ADAM2: variants seen among roughly 807,000 people sequenced by gnomAD.
The protein encoded by ADAM2 is ADAM metallopeptidase domain 2.
ADAM2 carries 101 observed loss-of-function variants against 99.3 expected under a neutral mutation model. The observed-to-expected ratio is 1.02, with a 90% CI of 0.87 to 1.20. ADAM2 has a LOEUF of 1.20. Among genes scored for constraint, ADAM2 ranks in the 50% most tolerant of loss-of-function variants. The pLI, the probability that ADAM2 is intolerant of heterozygous loss-of-function variation, is 0.00. For missense variants in ADAM2, 948 were observed against 878.7 expected, an observed-to-expected ratio of 1.08 and a Z score of -1.00; for synonymous variants, 323 against 287.6, an observed-to-expected ratio of 1.12 and a Z score of -1.25.
chr8:39,837,343 T>C, intron 1 of ADAM2, 131 bp from the exon 2 acceptor site: 1 of 579,226 alleles, frequency 1.7e-6, no homozygotes, highest in African/African-American at 2.0e-5. Context: ...TCCCATTTCT[T>C]TCTAAAAATA....
At chr8:39,829,241 T>C (rs1231602645) in intron 3 of ADAM2, among the ~76,000 whole-genome samples, 1 of 151,898 alleles carries the variant, frequency 6.6e-6, no homozygotes, top group Non-Finnish European at 1.5e-5. Context: ...GATACAAATA[T>C]AACTTACCAT....
chr8:39,835,196 T>C (rs928385633), intron 2 of ADAM2, among the ~76,000 whole-genome samples: 1 of 152,146 alleles, frequency 6.6e-6, no homozygotes, highest in African/African-American at 2.4e-5. Flanking sequence ...CTATTACCTC[T>C]TCTTCTTTTC....
At chr8:39,747,635 G>C (rs939278295) in intron 18 of ADAM2, among the ~76,000 whole-genome samples, 4 of 152,076 alleles carry the variant, frequency 2.6e-5, no homozygotes, top group African/African-American at 9.7e-5. Flanking sequence ...CTTACTTTAA[G>C]AAACTTGTGG....
chr8:39,769,913 T>G (rs1802712183), intron 11 of ADAM2, among the ~76,000 whole-genome samples: 1 of 151,898 alleles, frequency 6.6e-6, no homozygotes, highest in South Asian at 2.1e-4. Context: ...ACCCCTGTAT[T>G]AATAAAGAAA....
At chr8:39,813,315 G>A (rs568124121) in intron 6 of ADAM2, among the ~76,000 whole-genome samples, 1 of 152,348 alleles carries the variant, frequency 6.6e-6, no homozygotes, top group South Asian at 2.1e-4. Flanking sequence ...TTTTTACACT[G>A]TTGGTGGGAC....
chr8:39,746,653 GATTTGAAAGCAAGCACCAGAAATATAGTA>G (rs1823478843), intron 18 of ADAM2, 22 bp from the exon 19 acceptor site: 2 of 1,541,466 alleles, frequency 1.3e-6, no homozygotes, highest in South Asian at 2.5e-5. Flanking sequence ...AAAAATCAAA[GATTTGAAAGCAAGCACCAGAAATATAGTA>G]AAGATATTTC....
chr8:39,813,920 AAAAT>A (rs903707569), intron 6 of ADAM2, among the ~76,000 whole-genome samples: 8 of 151,922 alleles, frequency 5.3e-5, no homozygotes, highest in African/African-American at 1.2e-4. Flanking sequence ...AGTATAATAA[AAAAT>A]AAATAAATAA....
intron 3 of ADAM2, among the ~76,000 whole-genome samples, chr8:39,830,575 G>C (rs965124805): frequency 6.6e-6 from 1 of 152,150 alleles, no homozygotes; most frequent in Non-Finnish European, 1.5e-5. Context: ...CTGAAAGAGT[G>C]AGCAGGTGAA....
At chr8:39,768,490 G>T (rs1445941747) in intron 12 of ADAM2, among the ~76,000 whole-genome samples, 1 of 151,948 alleles carries the variant, frequency 6.6e-6, no homozygotes, top group Non-Finnish European at 1.5e-5. Flanking sequence ...CTTTATCTAA[G>T]ATTTCTGTGG....
intron 3 of ADAM2, among the ~76,000 whole-genome samples, chr8:39,830,883 A>AGATACT (rs1292706835): frequency 3.3e-5 from 5 of 152,184 alleles, no homozygotes; most frequent in African/African-American, 4.8e-5. Flanking sequence ...GTGATACTTT[A>AGATACT]GAGAGATGAT....
At chr8:39,777,244 A>G (rs1803029419) in intron 10 of ADAM2, 83 bp from the exon 11 acceptor site, 3 of 1,096,018 alleles carry the variant, frequency 2.7e-6, no homozygotes, top group Non-Finnish European at 4.0e-6. Flanking sequence ...AGATCACATG[A>G]TAAAATGGAA....
At chr8:39,781,128 T>C (rs1249052729) in intron 10 of ADAM2, among the ~76,000 whole-genome samples, 1 of 152,100 alleles carries the variant, frequency 6.6e-6, no homozygotes, top group Admixed American at 6.6e-5. Flanking sequence ...TTGGATTTGA[T>C]ACAGTTTCAT....
rs551328000 is a variant in ADAM2, at chr8:39,769,264, A to G, written c.1212+128T>C. 6 of 658,266 alleles carry G rather than the reference A, an allele frequency of 9.1e-6. No individual in the cohort carries two copies. In the East Asian group the frequency reaches 1.3e-4, roughly 15 times the overall value. The allele number at this position is 658,266 out of a possible 1,614,324, so 40.8% of individuals were successfully genotyped here. A position where few individuals can be genotyped will look rare whatever the true frequency, so the allele number is the denominator to read the frequency against. The stretch of plus-strand genomic sequence containing the variant: ...GCACTCATTAGTTGTTATAATACCT[A>G]CATGCCCTCCTGAATCATTTGCAGA... On this transcript the variant is annotated intron_variant, in intron 12 of 20. Transcript: ENST00000265708.
At chr8:39,808,062 A>G (rs181967377) in intron 7 of ADAM2, among the ~76,000 whole-genome samples, 1 of 152,250 alleles carries the variant, frequency 6.6e-6, no homozygotes, top group Non-Finnish European at 1.5e-5. Flanking sequence ...ACACTTAATC[A>G]TTGTCCTGGA....
At chr8:39,790,286 T>C (rs548922197) in intron 7 of ADAM2, among the ~76,000 whole-genome samples, 26 of 152,038 alleles carry the variant, frequency 1.7e-4, no homozygotes, top group Admixed American at 2.6e-4. Flanking sequence ...AAAAGTGAAA[T>C]GTCCATCAAC....
chr8:39,797,402 G>T (rs1185394278), intron 7 of ADAM2, among the ~76,000 whole-genome samples: 1 of 152,080 alleles, frequency 6.6e-6, no homozygotes, highest in Admixed American at 6.6e-5. Flanking sequence ...TGTTCCACTG[G>T]TCTATATGTC....
intron 5 of ADAM2, 135 bp from the exon 6 acceptor site, chr8:39,821,305 GTTACTGGGTATCCACAAAC>G: frequency 1.5e-6 from 1 of 673,976 alleles, no homozygotes; most frequent in South Asian, 2.3e-5. Context: ...ATAGGAGAAA[GTTACTGGGTATCCACAAAC>G]TTACTGAGTG....
chr8:39,773,880 G>T (rs1383493736), intron 11 of ADAM2, among the ~76,000 whole-genome samples: 4 of 151,664 alleles, frequency 2.6e-5, no homozygotes, highest in African/African-American at 9.7e-5. Context: ...AATTGCAAGA[G>T]AATTACTACT....
intron 16 of ADAM2, among the ~76,000 whole-genome samples, chr8:39,755,049 G>T (rs1051404375): frequency 9.2e-5 from 14 of 151,920 alleles, no homozygotes; most frequent in African/African-American, 3.4e-4. Flanking sequence ...CTGTGAGTTT[G>T]TTTATTATTT....
Sources: allele counts gnomAD v4.1 joint callset (sites outside exome capture counted in the v4.1 genomes callset), GRCh38; gene constraint gnomAD v4.1.1; transcripts MANE v1.5; gene names NCBI Gene and HGNC (gene_info 2026-07-23, HGNC 2026-07-21).